The following CPA4 variants were observed in gnomAD, a reference collection of about 807,000 sequenced individuals.
The protein encoded by CPA4 is carboxypeptidase A4.
Under a neutral mutation model 54.7 loss-of-function variants are expected in CPA4, and 49 were observed. The observed-to-expected ratio is 0.90, with a 90% confidence interval of 0.71 to 1.14. The LOEUF is 1.14. CPA4 is among the 50% of genes most tolerant of loss of function. The pLI, the probability that CPA4 is intolerant of heterozygous loss-of-function variation, is 0.00. For synonymous variants in CPA4, 215 were observed against 206.8 expected, an observed-to-expected ratio of 1.04 and a Z score of -0.34; for missense variants, 487 against 525.1, an observed-to-expected ratio of 0.93 and a Z score of 0.71.
chr7:130,295,430 G>A (rs573666011), intron 1 of CPA4, among the ~76,000 whole-genome samples: 3 of 152,278 alleles, frequency 2.0e-5, no homozygotes, highest in African/African-American at 7.2e-5. Flanking sequence ...AGCAGGAGGG[G>A]CAGACATGGC....
intron 1 of CPA4, among the ~76,000 whole-genome samples, chr7:130,296,362 G>A (rs2117129778): frequency 6.6e-6 from 1 of 152,284 alleles, no homozygotes; most frequent in South Asian, 2.1e-4. Flanking sequence ...GATGAAATGG[G>A]TTTGTGGATT....
intron 7 of CPA4, among the ~76,000 whole-genome samples, chr7:130,307,320 A>AC (rs1375490100): frequency 6.6e-6 from 1 of 151,794 alleles, no homozygotes; most frequent in East Asian, 1.9e-4. Context: ...ATCATCTAAC[A>AC]CCCCCGATTA....
chr7:130,297,933 C>T (rs377039187), intron 1 of CPA4, among the ~76,000 whole-genome samples: 3 of 152,186 alleles, frequency 2.0e-5, no homozygotes, highest in Non-Finnish European at 2.9e-5. Context: ...CCCCTGCCGC[C>T]GCTGCAGAAG....
chr7:130,293,379 T>C, intron 1 of CPA4, 131 bp downstream of exon 1: 1 of 699,650 alleles, frequency 1.4e-6, no homozygotes, highest in Admixed American at 2.2e-5. Flanking sequence ...TTTGCCCCTG[T>C]GTCATCCTGG....
rs962153365 is a variant in CPA4 at position 130,310,832 on chromosome 7, C to A, written c.839C>A (p.Pro280His). 7 of 1,614,082 alleles carry A rather than the reference C, an allele frequency of 4.3e-6. No homozygotes were observed. The South Asian group carries it at 7.7e-5, about 18-fold the overall frequency. ...DNPCSEVYHG[P>H]HANSEVEVKS... Reference sequence around the variant, plus strand: ...CCTTGCTCCGAAGTGTACCATGGACCCCACGCCAATTCGGAAGTGGAGGTG... The same window carrying A: ...CCTTGCTCCGAAGTGTACCATGGACACCACGCCAATTCGGAAGTGGAGGTG... The change falls in exon 9 of 11, where the codon CCC becomes CAC. Residue 280 changes from proline to histidine, a missense_variant. Transcript: ENST00000222482. This position sits in a 1 kb window ranked among gnomAD's most constrained non-coding sequence, Gnocchi z 4.3.
intron 10 of CPA4, among the ~76,000 whole-genome samples, chr7:130,319,017 T>A (rs964636190): frequency 3.3e-5 from 5 of 152,162 alleles, no homozygotes; most frequent in African/African-American, 1.2e-4. Context: ...CAACCTCAGT[T>A]CGTATATGCT....
chr7:130,309,749 T>G (rs912119856), intron 8 of CPA4, among the ~76,000 whole-genome samples: 1 of 152,158 alleles, frequency 6.6e-6, no homozygotes, highest in African/African-American at 2.4e-5. Flanking sequence ...GTCCCATGGC[T>G]GTACTGATGG....
In CPA4 at chr7:130,310,716, A is replaced by C; in HGVS notation, c.794-71A>C. ...TTCCCAATACCTTCGGCCCCTCTCTAGGTGGAGCGTCTTGCATTTCTGTGT... is the reference window on the plus strand; with the variant it reads ...TTCCCAATACCTTCGGCCCCTCTCTCGGTGGAGCGTCTTGCATTTCTGTGT... On this transcript the variant is annotated intron_variant, in intron 8 of 10. Coordinates refer to ENST00000222482, the MANE Select transcript of CPA4 (RefSeq NM_016352.4). This position sits in a 1 kb window ranked among gnomAD's most constrained non-coding sequence, Gnocchi z 4.3. 3 of 1,435,430 alleles carry C rather than the reference A, an allele frequency of 2.1e-6. No individual in the cohort carries two copies. Among genetic ancestry groups the C allele is most frequent in the Non-Finnish European group, 2.9e-6 (3 of 1,022,470 alleles). The allele number at this position is 1,435,430 out of a possible 1,614,324, so 88.9% of individuals were successfully genotyped here. A position where few individuals can be genotyped will look rare whatever the true frequency, so the allele number is the denominator to read the frequency against.
rs774692846 is a variant in CPA4 at position 130,308,334 on chromosome 7, C to A, written c.730C>A (p.Arg244=). The change falls in exon 8 of 11, where the codon CGA becomes AGA. Residue 244 remains arginine (R), a synonymous_variant. Coordinates refer to ENST00000222482, the MANE Select transcript of CPA4 (RefSeq NM_016352.4). ...QNRLWRKTRS[R]NPGSSCIGAD... ...CCGATTATGGAGGAAGACGCGGTCC[C>A]GAAATCCTGGAAGCTCCTGCATTGG... is the stretch of plus-strand genomic sequence containing the variant. The A allele has an allele frequency of 6.2e-7, 1 of 1,614,160 alleles. No individual in the cohort carries two copies. The highest frequency in any genetic ancestry group is 1.1e-5 in the South Asian group (1 of 91,078).
intron 10 of CPA4, among the ~76,000 whole-genome samples, chr7:130,321,001 C>A (rs931784486): frequency 2.0e-5 from 3 of 152,112 alleles, no homozygotes; most frequent in African/African-American, 7.2e-5. Context: ...GAGTTTGACA[C>A]CAGCTGGGCA....
chr7:130,298,007 C>T lies in CPA4; in HGVS notation c.69-739C>T, dbSNP rs114646910. Among the ~76,000 whole-genome samples, 927 of 152,304 alleles carry T rather than the reference C, an allele frequency of 6.1e-3. 10 individuals are homozygous for T. The highest frequency in any genetic ancestry group is 0.021 in the African/African-American group (875 of 41,566). ...AAAGGGGACTGAGACTGGCCGGCCC[C>T]GTCTGTGTCCTTTAAGGGTCCCCTC... is the stretch of plus-strand genomic sequence containing the variant. On this transcript the variant is annotated intron_variant, in intron 1 of 10. Transcript: ENST00000222482.
In CPA4 at chr7:130,302,097, A is replaced by G. The variant is rs142765156; in HGVS notation, c.384+1183A>G. 2.6e-3 allele frequency among the ~76,000 whole-genome samples: 398 copies of G among 152,308 alleles called. 1 individual carries two copies. Among genetic ancestry groups the G allele is most frequent in the African/African-American group, 9.1e-3 (377 of 41,560 alleles). ...CGCCCTTTGCAGCCTGGCTTACAGC[A>G]ATCTTGTCCTCACTGTGACACCCTC... On this transcript the variant is annotated intron_variant, in intron 4 of 10. Transcript: ENST00000222482.
At chr7:130,307,161 C>T (rs941459867) in intron 7 of CPA4, among the ~76,000 whole-genome samples, 32 of 151,858 alleles carry the variant, frequency 2.1e-4, no homozygotes, top group African/African-American at 5.8e-4. Flanking sequence ...CACATTTTTT[C>T]GTGACGTATT....
At chr7:130,321,337 TC>T (rs1339336061) in intron 10 of CPA4, among the ~76,000 whole-genome samples, 6 of 152,118 alleles carry the variant, frequency 3.9e-5, no homozygotes, top group African/African-American at 1.4e-4. Flanking sequence ...AGGGCTGTGC[TC>T]CCTTCTCCGT....
At chr7:130,306,753 TG>T (rs1793826882) in intron 6 of CPA4, 33 bp from the exon 7 acceptor site, 2 of 1,289,142 alleles carry the variant, frequency 1.6e-6, no homozygotes, top group Non-Finnish European at 2.3e-6. Flanking sequence ...CATCCTGCCA[TG>T]GGATAGCTGA....
At chr7:130,297,044 C>T (rs1793661351) in intron 1 of CPA4, among the ~76,000 whole-genome samples, 1 of 152,062 alleles carries the variant, frequency 6.6e-6, no homozygotes, top group African/African-American at 2.4e-5. Flanking sequence ...CGTTGAACTC[C>T]TGGGCTCCAG....
chr7:130,300,752 G>T (rs1233662597), intron 3 of CPA4, 64 bp from the exon 4 acceptor site: 2 of 1,130,978 alleles, frequency 1.8e-6, no homozygotes, highest in Admixed American at 1.7e-5. Context: ...GCAAAGATAT[G>T]GCAGAAAAAA....
At chr7:130,306,918 T>C in intron 7 of CPA4, 21 bp downstream of exon 7, 3 of 1,330,774 alleles carry the variant, frequency 2.3e-6, no homozygotes, top group East Asian at 2.3e-5. Flanking sequence ...CCAAATGGGC[T>C]GGGCTTGCAG....
intron 10 of CPA4, among the ~76,000 whole-genome samples, chr7:130,316,606 G>A (rs1462094404): frequency 2.0e-5 from 3 of 152,148 alleles, no homozygotes; most frequent in African/African-American, 7.2e-5. Flanking sequence ...GAGAGAACTT[G>A]TAATTAGATC....
Sources: gnomAD v4.1 joint callset for allele counts (sites outside exome capture counted in the v4.1 genomes callset) on GRCh38, gnomAD v4.1.1 for gene constraint, Gnocchi (gnomAD v3.1) non-coding constraint, MANE v1.5 for transcripts, NCBI Gene and HGNC (gene_info 2026-07-23, HGNC 2026-07-21) for gene names.